DACH2: variants seen among roughly 807,000 people sequenced by gnomAD.
The protein encoded by DACH2 is dachshund homolog 2.
A neutral mutation model predicts 35.8 loss-of-function variants in DACH2; 17 were observed. The observed-to-expected ratio is 0.48, with a 90% CI of 0.33 to 0.71. The LOEUF is 0.71. Ranked by LOEUF, DACH2 falls within the 30% of genes least tolerant of loss-of-function variation. The pLI is 0.02. For synonymous variants in DACH2, 195 were observed against 177.3 expected (o/e 1.10, Z -0.79); for missense variants, 469 against 472.7 (o/e 0.99, Z 0.07).
chrX:86,385,505 G>A (rs764846012), intron 2 of DACH2, among the ~76,000 whole-genome samples: 2 of 111,343 alleles, frequency 1.8e-5, no homozygotes, highest in Non-Finnish European at 3.8e-5. Flanking sequence ...AATTTACATA[G>A]CATCTACATT....
chrX:86,703,337 C>T (rs1448832809), intron 5 of DACH2, among the ~76,000 whole-genome samples: 1 of 111,358 alleles, frequency 9.0e-6, no homozygotes, highest in African/African-American at 3.3e-5. Context: ...ACACTGGTGG[C>T]ATTTTCCCCA....
intron 1 of DACH2, among the ~76,000 whole-genome samples, chrX:86,329,428 C>G (rs1163884257): frequency 9.0e-6 from 1 of 111,453 alleles, no homozygotes; most frequent in Non-Finnish European, 1.9e-5. Context: ...CCCTGCTCCC[C>G]TCCCTTTTCA....
Position 86,429,573 on chromosome X carries a change from T to TCTTTTCTTTTCTTTTCTTTTC in DACH2, c.527+52711_527+52712insCTTTTCTTTTCTTTTCTTTTC, listed in dbSNP as rs3072236. Among the ~76,000 whole-genome samples the TCTTTTCTTTTCTTTTCTTTTC allele has an allele frequency of 1.4e-4, 15 of 105,985 alleles. No individual in the cohort carries two copies. In the East Asian group the frequency reaches 1.8e-3, roughly 13 times the overall value. 92.0% of individuals were successfully genotyped at this position (105,985 alleles called of 115,157 possible). On this transcript the variant is annotated intron_variant, in intron 2 of 11. Transcript: ENST00000373125. Reference sequence around the variant, plus strand: ...TCTTTTCTTTTCTTTTCTTTTCTTTTTTTTCTTGAGACCGTCTGGGTCTGT... The same window carrying TCTTTTCTTTTCTTTTCTTTTC: ...TCTTTTCTTTTCTTTTCTTTTCTTTTCTTTTCTTTTCTTTTCTTTTCTTTTCTTGAGACCGTCTGGGTCTGT...
chrX:86,274,462 TTTC>T (rs1417620891), intron 1 of DACH2, among the ~76,000 whole-genome samples: 1 of 29,010 alleles, frequency 3.4e-5, no homozygotes, highest in African/African-American at 2.0e-4. Context: ...TTTTTTTTTT[TTTC>T]TTTTTTTTTT....
chrX:86,207,352 A>G (rs769882228), intron 1 of DACH2, among the ~76,000 whole-genome samples: 1 of 111,410 alleles, frequency 9.0e-6, no homozygotes, highest in East Asian at 2.8e-4. Context: ...AAATCTATGC[A>G]TCATATTGCT....
chrX:86,313,321 G>C (rs12393841), intron 1 of DACH2, among the ~76,000 whole-genome samples: 1 of 111,184 alleles, frequency 9.0e-6, no homozygotes, highest in Non-Finnish European at 1.9e-5. Flanking sequence ...ACCTTAATAT[G>C]ACATTGCACA....
intron 3 of DACH2, among the ~76,000 whole-genome samples, chrX:86,631,284 G>A (rs1397722212): frequency 1.8e-5 from 2 of 111,896 alleles, no homozygotes; most frequent in African/African-American, 6.5e-5. Flanking sequence ...GGCATCTACT[G>A]AAAATAAACC....
At chrX:86,243,678 C>G (rs1300008741) in intron 1 of DACH2, among the ~76,000 whole-genome samples, 1 of 111,938 alleles carries the variant, frequency 8.9e-6, no homozygotes, top group Non-Finnish European at 1.9e-5. Context: ...AGTGTGCTCC[C>G]TGCAGTCTCT....
At chrX:86,822,632 C>T (rs2042524469) in intron 11 of DACH2, among the ~76,000 whole-genome samples, 2 of 111,785 alleles carry the variant, frequency 1.8e-5, no homozygotes, top group African/African-American at 6.5e-5. Flanking sequence ...GGATATGTAA[C>T]AAGACTATAG....
At chrX:86,678,247 T>C (rs973645902) in intron 4 of DACH2, among the ~76,000 whole-genome samples, 4 of 112,333 alleles carry the variant, frequency 3.6e-5, no homozygotes, top group African/African-American at 1.3e-4. Flanking sequence ...TATTTTATGA[T>C]AATCAGTGGC....
intron 1 of DACH2, among the ~76,000 whole-genome samples, chrX:86,287,892 C>G (rs1432673600): frequency 8.9e-6 from 1 of 111,896 alleles, no homozygotes; most frequent in Non-Finnish European, 1.9e-5. Context: ...GTACCTGGTG[C>G]CTTATTTAGT....
At chrX:86,324,962 A>T (rs754345460) in intron 1 of DACH2, among the ~76,000 whole-genome samples, 38 of 110,780 alleles carry the variant, frequency 3.4e-4, no homozygotes, top group African/African-American at 1.2e-3. Flanking sequence ...AAAGGCTCAG[A>T]TGATTGTTAG....
intron 1 of DACH2, among the ~76,000 whole-genome samples, chrX:86,337,251 G>A (rs926472898): frequency 3.7e-4 from 41 of 111,172 alleles, no homozygotes; most frequent in Admixed American, 2.6e-3. Flanking sequence ...TCCTCGAGAA[G>A]AGCAACTCCA....
intron 4 of DACH2, among the ~76,000 whole-genome samples, chrX:86,661,589 A>G (rs2040605539): frequency 8.9e-6 from 1 of 112,206 alleles, no homozygotes; most frequent in Non-Finnish European, 1.9e-5. Flanking sequence ...TTATCTGTTC[A>G]TGGCCATTTG....
chrX:86,216,996 C>T (rs1212906871), intron 1 of DACH2, among the ~76,000 whole-genome samples: 1 of 109,169 alleles, frequency 9.2e-6, no homozygotes, highest in Non-Finnish European at 1.9e-5. Context: ...GAGGCTGAGG[C>T]AGGATAATCC....
intron 1 of DACH2, among the ~76,000 whole-genome samples, chrX:86,280,175 A>G (rs2033997150): frequency 9.0e-6 from 1 of 111,520 alleles, no homozygotes; most frequent in Non-Finnish European, 1.9e-5. Flanking sequence ...GTTGAAGTGA[A>G]GGAAGAAATG....
In DACH2 at chrX:86,224,918, A is replaced by G. The variant is rs574053522; in HGVS notation, c.488+75810A>G. Among the ~76,000 whole-genome samples the G allele has an allele frequency of 4.5e-5, 5 of 111,312 alleles. No individual in the cohort carries two copies. In the South Asian group the frequency reaches 1.5e-3, roughly 34 times the overall value. On this transcript the variant is annotated intron_variant, in intron 1 of 11. Transcript: ENST00000373125. ...CACAATACTTGGAGAGTCCATTCCT[A>G]GCTTTAGCAGTAGTCTTGAGTGAGC...
chrX:86,286,990 G>T (rs766577953), intron 1 of DACH2, among the ~76,000 whole-genome samples: 1 of 111,185 alleles, frequency 9.0e-6, no homozygotes, highest in South Asian at 3.8e-4. Context: ...ACCTTCAGAT[G>T]ATTTCTTATT....
At chrX:86,509,758 A>G (rs1293824538) in intron 2 of DACH2, among the ~76,000 whole-genome samples, 1 of 112,175 alleles carries the variant, frequency 8.9e-6, no homozygotes, top group Non-Finnish European at 1.9e-5. Flanking sequence ...TCAGAGCAGC[A>G]CTTTCATAGT....
Sources: allele counts gnomAD v4.1 joint callset (sites outside exome capture counted in the v4.1 genomes callset), GRCh38; gene constraint gnomAD v4.1.1; transcripts MANE v1.5; gene names NCBI Gene and HGNC (gene_info 2026-07-23, HGNC 2026-07-21).